PPP3CA: variants seen among roughly 807,000 people sequenced by gnomAD.
PPP3CA encodes protein phosphatase 3 catalytic subunit alpha, also known as CAM-PRP catalytic subunit.
In PPP3CA, 14 loss-of-function variants were observed where a neutral mutation model predicts 66.5. That is an observed-to-expected ratio of 0.21 (90% confidence interval 0.14 to 0.33). PPP3CA has a LOEUF of 0.33. Ranked by LOEUF, PPP3CA falls within the 10% of genes least tolerant of loss-of-function variation. The probability of loss-of-function intolerance (pLI) is 1.00; values close to 1 mark genes in which losing one functional copy is unlikely to be tolerated. For missense variants in PPP3CA, 317 were observed against 639.5 expected, an observed-to-expected ratio of 0.50 and a Z score of 5.44; for synonymous variants, 232 against 226.2, an observed-to-expected ratio of 1.03 and a Z score of -0.23.
intron 1 of PPP3CA, among the ~76,000 whole-genome samples, chr4:101,273,628 A>C (rs993131522): frequency 2.6e-5 from 4 of 152,178 alleles, no homozygotes; most frequent in Admixed American, 1.3e-4. Flanking sequence ...CCTGGCCTTT[A>C]AAATTACATA....
intron 10 of PPP3CA, among the ~76,000 whole-genome samples, chr4:101,042,045 G>C (rs1454632657): frequency 6.6e-6 from 1 of 152,094 alleles, no homozygotes; most frequent in East Asian, 1.9e-4. Context: ...GTTTCCCTTA[G>C]AGGGCTTTTA....
chr4:101,262,913 A>T (rs906043127), intron 1 of PPP3CA, among the ~76,000 whole-genome samples: 1 of 152,152 alleles, frequency 6.6e-6, no homozygotes, highest in African/African-American at 2.4e-5. Flanking sequence ...TGTCAGGGGA[A>T]GGGACAGAAA....
At position 101,025,170 on chromosome 4, in the gene PPP3CA, G is replaced by A. The variant is rs1397243035; in HGVS notation, c.*695C>T. The A allele has an allele frequency of 6.6e-6, 1 of 152,202 alleles. No homozygotes were observed. The highest frequency in any genetic ancestry group is 1.5e-5 in the Non-Finnish European group (1 of 67,944). The allele number at this position is 152,202 out of a possible 1,614,324, so 9.4% of individuals were successfully genotyped here. A position where few individuals can be genotyped will look rare whatever the true frequency, so the allele number is the denominator to read the frequency against. On this transcript the variant is annotated 3_prime_UTR_variant, in exon 14 of 14. Coordinates refer to ENST00000394854, the MANE Select transcript of PPP3CA (RefSeq NM_000944.5). ...AGATATTCCATTGCCGAATTAAGAA[G>A]AAGATAAGTGTTATATGGAAAGAAG... is the stretch of plus-strand genomic sequence containing the variant.
At chr4:101,319,896 C>T (rs968213119) in intron 1 of PPP3CA, among the ~76,000 whole-genome samples, 5 of 152,080 alleles carry the variant, frequency 3.3e-5, no homozygotes, top group South Asian at 2.1e-4. Context: ...AAGCAGACTA[C>T]GTCATGTACA....
intron 1 of PPP3CA, chr4:101,240,806 A>G (rs929291819): frequency 3.3e-5 from 5 of 152,166 alleles, no homozygotes; most frequent in Admixed American, 6.5e-5. Flanking sequence ...GATTTGCCCT[A>G]CATCCAAAAG....
At chr4:101,307,956 T>C (rs1461118970) in intron 1 of PPP3CA, among the ~76,000 whole-genome samples, 6 of 152,226 alleles carry the variant, frequency 3.9e-5, no homozygotes, top group Non-Finnish European at 8.8e-5. Context: ...GTAAACCTAT[T>C]GAATCTGTTA....
intron 1 of PPP3CA, among the ~76,000 whole-genome samples, chr4:101,338,460 T>C (rs1274181094): frequency 6.6e-6 from 1 of 152,242 alleles, no homozygotes; most frequent in African/African-American, 2.4e-5. Context: ...TGTTATTTCA[T>C]TCCTGTAACA....
At chr4:101,200,994 A>C (rs1320214887) in intron 1 of PPP3CA, among the ~76,000 whole-genome samples, 44 of 152,212 alleles carry the variant, frequency 2.9e-4, no homozygotes, top group Non-Finnish European at 1.5e-5. Flanking sequence ...CTGCAAATCC[A>C]CAGTTAGCAC....
At chr4:101,213,028 C>T (rs1725346081) in intron 1 of PPP3CA, among the ~76,000 whole-genome samples, 1 of 152,048 alleles carries the variant, frequency 6.6e-6, no homozygotes, top group Non-Finnish European at 1.5e-5. Context: ...CCTGACACAT[C>T]TTAAAGTATG....
intron 8 of PPP3CA, among the ~76,000 whole-genome samples, chr4:101,071,158 T>A (rs1728901506): frequency 6.6e-6 from 1 of 152,168 alleles, no homozygotes; most frequent in Admixed American, 6.5e-5. Flanking sequence ...TAAGGGTAAC[T>A]GTACTCTGGT....
intron 2 of PPP3CA, among the ~76,000 whole-genome samples, chr4:101,187,419 A>T (rs1307070434): frequency 6.6e-6 from 1 of 152,166 alleles, no homozygotes; most frequent in East Asian, 1.9e-4. Context: ...AAATCTTCTC[A>T]TGTATTTTTA....
chr4:101,153,276 A>G (rs1242260660), intron 2 of PPP3CA, among the ~76,000 whole-genome samples: 2 of 152,222 alleles, frequency 1.3e-5, no homozygotes, highest in African/African-American at 2.4e-5. Context: ...AAAAGAATTC[A>G]GGCTTTTCTC....
intron 12 of PPP3CA, 21 bp from the exon 13 acceptor site, chr4:101,029,216 G>A: frequency 1.9e-6 from 3 of 1,602,596 alleles, no homozygotes; most frequent in African/African-American, 1.3e-5. Flanking sequence ...GAAAGGGGGT[G>A]CAAAATGAAT....
At chr4:101,096,447 G>C (rs1182704240) in intron 5 of PPP3CA, among the ~76,000 whole-genome samples, 1 of 152,126 alleles carries the variant, frequency 6.6e-6, no homozygotes, top group Admixed American at 6.5e-5. Context: ...CTTTTTGCTG[G>C]TGATTGCGTC....
intron 2 of PPP3CA, among the ~76,000 whole-genome samples, chr4:101,167,927 G>T (rs1723744058): frequency 6.6e-6 from 1 of 152,168 alleles, no homozygotes; most frequent in African/African-American, 2.4e-5. Flanking sequence ...GAAAGGCCTT[G>T]GAGTTGAGGT....
At chr4:101,142,246 T>C (rs1436860482) in intron 2 of PPP3CA, among the ~76,000 whole-genome samples, 1 of 152,184 alleles carries the variant, frequency 6.6e-6, no homozygotes, top group Non-Finnish European at 1.5e-5. Context: ...AAATACTAAA[T>C]TGGACTTCCT....
intron 2 of PPP3CA, among the ~76,000 whole-genome samples, chr4:101,151,974 T>C (rs992914483): frequency 6.6e-6 from 1 of 152,132 alleles, no homozygotes; most frequent in East Asian, 1.9e-4. Flanking sequence ...TATTTTTCTA[T>C]ACATATGCAA....
At chr4:101,276,739 T>C (rs1395501759) in intron 1 of PPP3CA, among the ~76,000 whole-genome samples, 1 of 152,144 alleles carries the variant, frequency 6.6e-6, no homozygotes, top group Non-Finnish European at 1.5e-5. Context: ...GTTTTAGATT[T>C]AGAGAAAAAA....
At chr4:101,111,105 A>G (rs746648066) in intron 2 of PPP3CA, among the ~76,000 whole-genome samples, 2 of 152,208 alleles carry the variant, frequency 1.3e-5, no homozygotes, top group African/African-American at 4.8e-5. Flanking sequence ...TTGAAATTAT[A>G]GTTGGTATGG....
Sources: allele counts gnomAD v4.1 joint callset (sites outside exome capture counted in the v4.1 genomes callset), GRCh38; gene constraint gnomAD v4.1.1; transcripts MANE v1.5; gene names NCBI Gene and HGNC (gene_info 2026-07-23, HGNC 2026-07-21).